DLGAP2: variants seen among roughly 807,000 people sequenced by gnomAD.
DLGAP2 encodes the protein DLG associated protein 2.
In DLGAP2, 26 loss-of-function variants were observed where a neutral mutation model predicts 100.3. The observed-to-expected ratio is 0.26, with a 90% confidence interval of 0.19 to 0.36. The LOEUF is 0.36. Ranked by LOEUF, DLGAP2 falls within the 10% of genes least tolerant of loss-of-function variation. The pLI, the probability that DLGAP2 is intolerant of heterozygous loss-of-function variation, is 1.00. For synonymous variants in DLGAP2, 886 were observed against 630.1 expected, an observed-to-expected ratio of 1.41 and a Z score of -6.08; for missense variants, 1,858 against 1,453.2, an observed-to-expected ratio of 1.28 and a Z score of -4.53.
intron 3 of DLGAP2, among the ~76,000 whole-genome samples, chr8:1,494,983 A>T (rs1447979019): frequency 6.6e-6 from 1 of 152,202 alleles, no homozygotes; most frequent in Non-Finnish European, 1.5e-5. Context: ...AGGTCCCGAG[A>T]TATGCCTGTT....
chr8:765,957 G>T (rs1267078889), intron 1 of DLGAP2, among the ~76,000 whole-genome samples: 1 of 152,118 alleles, frequency 6.6e-6, no homozygotes, highest in African/African-American at 2.4e-5. Context: ...TCACAAGGTC[G>T]GGAATTCGAG....
intron 2 of DLGAP2, among the ~76,000 whole-genome samples, chr8:913,947 G>A (rs1030053389): frequency 1.3e-5 from 2 of 152,312 alleles, no homozygotes; most frequent in African/African-American, 2.4e-5. Context: ...CACCTCAGAC[G>A]GGTTTGCTGC....
Position 1,557,011 on chromosome 8 carries a change from C to G in DLGAP2, c.1230+7328C>G, listed in dbSNP as rs187031490. On this transcript the variant is annotated intron_variant, in intron 5 of 14. Transcript: ENST00000637795. ...GGGGGATGTTGAGCACAGCCATGCACCCAGCGTTTCTCAAGCTCAGCACGG... is the reference window on the plus strand; with the variant it reads ...GGGGGATGTTGAGCACAGCCATGCAGCCAGCGTTTCTCAAGCTCAGCACGG... Among the ~76,000 whole-genome samples the G allele has an allele frequency of 4.3e-3, 658 of 151,886 alleles. 1 individual carries two copies. The highest frequency in any genetic ancestry group is 0.01 in the South Asian group (50 of 4,788).
intron 1 of DLGAP2, among the ~76,000 whole-genome samples, chr8:906,734 T>C (rs1266778764): frequency 1.3e-5 from 2 of 152,172 alleles, no homozygotes; most frequent in East Asian, 3.9e-4. Flanking sequence ...CCGCGGTTTG[T>C]TCTCTGCCTC....
intron 2 of DLGAP2, among the ~76,000 whole-genome samples, chr8:1,136,480 C>T (rs369819082): frequency 1.3e-5 from 2 of 152,186 alleles, no homozygotes; most frequent in Admixed American, 1.3e-4. Flanking sequence ...TCCTCATCGT[C>T]AGGCTGGCTC....
chr8:1,209,516 C>A (rs975240700), intron 2 of DLGAP2, among the ~76,000 whole-genome samples: 7 of 152,174 alleles, frequency 4.6e-5, no homozygotes, highest in Non-Finnish European at 8.8e-5. Flanking sequence ...TTGAGTGAAT[C>A]ATTTTCATAA....
chr8:1,176,862 G>T (rs1585124706), intron 2 of DLGAP2, among the ~76,000 whole-genome samples: 2 of 152,136 alleles, frequency 1.3e-5, no homozygotes, highest in Admixed American at 1.3e-4. Flanking sequence ...TCATGGAGTA[G>T]CAGAGAGAGC....
intron 1 of DLGAP2, among the ~76,000 whole-genome samples, chr8:785,253 G>T (rs1239599064): frequency 2.4e-5 from 2 of 83,036 alleles, no homozygotes; most frequent in African/African-American, 3.5e-5. Flanking sequence ...AAAAAAAAAA[G>T]GCACGTCCTG....
intron 6 of DLGAP2, among the ~76,000 whole-genome samples, chr8:1,593,433 C>T (rs1044883457): frequency 1.3e-4 from 19 of 151,362 alleles, no homozygotes; most frequent in Admixed American, 2.6e-4. Flanking sequence ...CCAGCCTGGG[C>T]GACAAGGCAA....
chr8:1,445,178 G>A (rs1797950622), intron 3 of DLGAP2, among the ~76,000 whole-genome samples: 1 of 149,628 alleles, frequency 6.7e-6, no homozygotes, highest in Admixed American at 6.7e-5. Context: ...ATGCTGGTGT[G>A]CTGCACCCAT....
At chr8:1,588,296 A>G (rs1217787570) in intron 6 of DLGAP2, among the ~76,000 whole-genome samples, 1 of 152,198 alleles carries the variant, frequency 6.6e-6, no homozygotes, top group Non-Finnish European at 1.5e-5. Flanking sequence ...AATGTACTGA[A>G]TGAAGAGAAC....
chr8:1,019,596 C>G (rs1801569134), intron 2 of DLGAP2: 1 of 151,832 alleles, frequency 6.6e-6, no homozygotes, highest in Non-Finnish European at 1.5e-5. Context: ...GTGAGTTATT[C>G]ATGCTGGAAT....
intron 3 of DLGAP2, among the ~76,000 whole-genome samples, chr8:1,487,467 G>A (rs909427650): frequency 1.3e-5 from 2 of 152,214 alleles, no homozygotes; most frequent in African/African-American, 4.8e-5. Flanking sequence ...ATAGATTTAT[G>A]TAATAAATTC....
intron 2 of DLGAP2, among the ~76,000 whole-genome samples, chr8:1,066,115 A>C (rs1436597701): frequency 6.6e-6 from 1 of 151,962 alleles, no homozygotes. Flanking sequence ...GCAGCTCCCC[A>C]CCACGGTCAG....
chr8:1,423,145 A>G (rs62484241), intron 3 of DLGAP2, among the ~76,000 whole-genome samples: 2 of 152,218 alleles, frequency 1.3e-5, no homozygotes, highest in African/African-American at 4.8e-5. Context: ...AATGAACCAC[A>G]ACAGCTAAAG....
At chr8:1,556,303 T>G (rs1584923552) in intron 5 of DLGAP2, among the ~76,000 whole-genome samples, 1 of 151,878 alleles carries the variant, frequency 6.6e-6, no homozygotes, top group African/African-American at 2.4e-5. Context: ...TCTGCTCCTG[T>G]GGGTGTGCAG....
chr8:1,430,276 C>A (rs1337195051), intron 3 of DLGAP2, among the ~76,000 whole-genome samples: 2 of 151,708 alleles, frequency 1.3e-5, no homozygotes, highest in Non-Finnish European at 2.9e-5. Flanking sequence ...CGAAATCCTC[C>A]TTGCTAAAAA....
chr8:1,564,962 G>A (rs1008990664), intron 5 of DLGAP2, among the ~76,000 whole-genome samples: 1 of 152,002 alleles, frequency 6.6e-6, no homozygotes, highest in African/African-American at 2.4e-5. Context: ...TAGTATTCAT[G>A]GTTGCTCAGG....
At chr8:1,161,601 C>A (rs1352015314) in intron 2 of DLGAP2, among the ~76,000 whole-genome samples, 1 of 152,202 alleles carries the variant, frequency 6.6e-6, no homozygotes, top group Non-Finnish European at 1.5e-5. Flanking sequence ...ACAGAATGAG[C>A]TGATGAGACT....
Sources: allele counts gnomAD v4.1 joint callset (sites outside exome capture counted in the v4.1 genomes callset), GRCh38; gene constraint gnomAD v4.1.1; transcripts MANE v1.5; gene names NCBI Gene and HGNC (gene_info 2026-07-23, HGNC 2026-07-21).